Variants in ZNF112 observed in about 807,000 individuals in gnomAD.
ZNF112 encodes zinc finger protein 112 (Y14).
A neutral mutation model predicts 77.7 loss-of-function variants in ZNF112; 37 were observed. The ratio of observed to expected loss-of-function variants is 0.48; its 90% CI spans 0.37 to 0.63. The LOEUF (loss-of-function observed/expected upper bound fraction) is 0.63, where lower values mean the gene tolerates loss of function less well. Among genes scored for constraint, ZNF112 ranks in the 20% least tolerant of loss-of-function variants. ZNF112 has a pLI of 0.00. For missense variants in ZNF112, 950 were observed against 1,077.4 expected, an observed-to-expected ratio of 0.88 and a Z score of 1.66; for synonymous variants, 333 against 363.6, an observed-to-expected ratio of 0.92 and a Z score of 0.96.
intron 1 of ZNF112, among the ~76,000 whole-genome samples, chr19:44,353,618 T>C (rs1244564858): frequency 6.6e-6 from 1 of 151,934 alleles, no homozygotes; most frequent in Non-Finnish European, 1.5e-5. Context: ...GATATAAGGA[T>C]GGCAAAGAAA....
upstream of ZNF112, among the ~76,000 whole-genome samples, chr19:44,357,670 C>T (rs1292806106): frequency 6.6e-6 from 1 of 152,082 alleles, no homozygotes; most frequent in Non-Finnish European, 1.5e-5. Flanking sequence ...AAATGCAAGT[C>T]ATAAGGCAAA....
chr19:44,363,587 TC>T (rs1272236396), intron 1 of ZNF112, among the ~76,000 whole-genome samples: 4 of 152,226 alleles, frequency 2.6e-5, no homozygotes, highest in Admixed American at 2.0e-4. Flanking sequence ...ATAGTGTTTT[TC>T]AGATCCATCC....
intron 1 of ZNF112, among the ~76,000 whole-genome samples, chr19:44,353,560 C>T (rs1458912278): frequency 6.6e-6 from 1 of 151,598 alleles, no homozygotes; most frequent in Admixed American, 6.6e-5. Context: ...AAAATATAAC[C>T]CAATGTAAAA....
At chr19:44,334,484 G>C (rs370297182) in intron 3 of ZNF112, among the ~76,000 whole-genome samples, 12 of 152,368 alleles carry the variant, frequency 7.9e-5, no homozygotes, top group African/African-American at 2.6e-4. Flanking sequence ...GGAGCTGAAT[G>C]TTAATAGCCA....
At chr19:44,337,832 CA>C (rs2123167068) in intron 2 of ZNF112, among the ~76,000 whole-genome samples, 1 of 29,058 alleles carries the variant, frequency 3.4e-5, no homozygotes, top group East Asian at 1.3e-3. Context: ...TATGTATATA[CA>C]TACACATACA....
intron 2 of ZNF112, among the ~76,000 whole-genome samples, chr19:44,339,185 A>C (rs896567458): frequency 1.3e-5 from 2 of 152,248 alleles, no homozygotes; most frequent in Non-Finnish European, 2.9e-5. Flanking sequence ...TTTATAAAAC[A>C]GACTGTGCAG....
At chr19:44,333,698 A>G (rs1275212120) in intron 3 of ZNF112, among the ~76,000 whole-genome samples, 1 of 152,100 alleles carries the variant, frequency 6.6e-6, no homozygotes, top group African/African-American at 2.4e-5. Flanking sequence ...ACCATCTGCC[A>G]TATTTATAAG....
chr19:44,343,314 G>C, intron 1 of ZNF112: 1 of 1,585,104 alleles, frequency 6.3e-7, no homozygotes, highest in Non-Finnish European at 8.6e-7. Flanking sequence ...TGAGAAGGCA[G>C]AACAGGGTAA....
At position 44,329,855 on chromosome 19, in the gene ZNF112, T is replaced by G; in HGVS notation, c.302A>C (p.Gln101Pro). The G allele has an allele frequency of 6.2e-6, 10 of 1,614,006 alleles. No homozygotes were observed. The highest frequency in any genetic ancestry group is 8.5e-6 in the Non-Finnish European group (10 of 1,179,988). Residue 101 changes from glutamine to proline, a missense_variant, in exon 4 of 4, where the codon CAG becomes CCG. Around this residue, in one of 3 missense-constraint regions of ZNF112, gnomAD observed 560 missense variants for 557.3 expected, o/e 1.00. Coordinates refer to ENST00000354340, the MANE Select transcript of ZNF112 (RefSeq NM_013380.4). ...YFSPKELSSRQTWQQSAGGLI... is the reference protein window; with the variant it reads ...YFSPKELSSRPTWQQSAGGLI... Reference sequence around the variant, plus strand: ...CCCACCTGCACTTTGTTGCCAGGTCTGACGGGAGGAAAGCTCTTTGGGGGA... The same window carrying G: ...CCCACCTGCACTTTGTTGCCAGGTCGGACGGGAGGAAAGCTCTTTGGGGGA...
chr19:44,359,315 CTTTTTTTTTTTTTTT>C (rs767955186), upstream of ZNF112, among the ~76,000 whole-genome samples: 6 of 54,834 alleles, frequency 1.1e-4, no homozygotes, highest in South Asian at 8.3e-4. Flanking sequence ...TATTAGAGTT[CTTTTTTTTTTTTTTT>C]TTTTTTTTTT....
Position 44,328,488 on chromosome 19 carries a change from T to C in ZNF112, c.1669A>G (p.Ser557Gly). Residue 557 changes from serine to glycine, a missense_variant, in exon 4 of 4, where the codon AGT (serine) becomes GGT (glycine). This residue lies in a region of ZNF112 where 373 missense variants were observed against 482.8 expected (regional missense o/e 0.77). Coordinates refer to ENST00000354340, the MANE Select transcript of ZNF112 (RefSeq NM_013380.4). The stretch of plus-strand genomic sequence containing the variant: ...TGGGCTTGAAGATATGAACTCCGAC[T>C]GAATCCCTTATCACATTCCTCGCAT... ...YKCEECDKGF[S>G]RSSYLQAHQR... 2 of 1,613,376 alleles carry C rather than the reference T, an allele frequency of 1.2e-6. No individual in the cohort carries two copies. Among genetic ancestry groups the C allele is most frequent in the East Asian group, 2.2e-5 (1 of 44,780 alleles).
chr19:44,362,800 CA>C (rs1416387303), intron 1 of ZNF112, among the ~76,000 whole-genome samples: 1 of 152,112 alleles, frequency 6.6e-6, no homozygotes, highest in East Asian at 1.9e-4. Context: ...TACCCACTCT[CA>C]TTTTCTCCCC....
intron 1 of ZNF112, among the ~76,000 whole-genome samples, chr19:44,365,586 G>C (rs1970896793): frequency 6.6e-6 from 1 of 152,042 alleles, no homozygotes; most frequent in Non-Finnish European, 1.5e-5. Flanking sequence ...TTGGTAGTTT[G>C]TGCCTTTCAA....
At chr19:44,355,610 G>A (rs1004867522) in intron 1 of ZNF112, among the ~76,000 whole-genome samples, 3 of 152,138 alleles carry the variant, frequency 2.0e-5, no homozygotes, top group African/African-American at 7.2e-5. Context: ...GTGACCTAAA[G>A]ATAAACCACC....
chr19:44,329,845 T>C lies in ZNF112; in HGVS notation c.312A>G (p.Gln104=). 1.2e-6 allele frequency: 2 copies of C among 1,613,996 alleles called. No homozygotes were observed. Among genetic ancestry groups the C allele is most frequent in the Non-Finnish European group, 8.5e-7 (1 of 1,179,974 alleles). ...ACCTGATTAACCCACCTGCACTTTG[T>C]TGCCAGGTCTGACGGGAGGAAAGCT... The part of the protein sequence containing the change: ...PKELSSRQTW[Q]QSAGGLIRCQ... Residue 104 remains glutamine, a synonymous_variant, in exon 4 of 4, where the codon CAA becomes CAG. Coordinates refer to ENST00000354340, the MANE Select transcript of ZNF112 (RefSeq NM_013380.4).
At chr19:44,344,445 GA>G (rs1407211501) in intron 1 of ZNF112, among the ~76,000 whole-genome samples, 3 of 152,192 alleles carry the variant, frequency 2.0e-5, no homozygotes, top group Non-Finnish European at 4.4e-5. Flanking sequence ...CCACCTCAAA[GA>G]GAGGTGCACT....
chr19:44,350,207 G>A (rs1414277982), intron 1 of ZNF112, among the ~76,000 whole-genome samples: 2 of 152,014 alleles, frequency 1.3e-5, no homozygotes, highest in Non-Finnish European at 2.9e-5. Context: ...TCATCAGCAG[G>A]TACTTTGCAG....
At chr19:44,363,097 G>A (rs1173345662) in intron 1 of ZNF112, among the ~76,000 whole-genome samples, 1 of 152,056 alleles carries the variant, frequency 6.6e-6, no homozygotes, top group Non-Finnish European at 1.5e-5. Context: ...AGCCTCCAAA[G>A]TAGCTGGGAC....
intron 1 of ZNF112, among the ~76,000 whole-genome samples, chr19:44,356,040 G>A (rs751905244): frequency 2.0e-5 from 3 of 152,170 alleles, no homozygotes; most frequent in Non-Finnish European, 4.4e-5. Context: ...TACCCAGACA[G>A]CCAGGAGTGA....
Sources: gnomAD v4.1 joint callset for allele counts (sites outside exome capture counted in the v4.1 genomes callset) on GRCh38, gnomAD v4.1.1 for gene constraint, gnomAD v4.1.1 regional missense constraint, MANE v1.5 for transcripts, NCBI Gene and HGNC (gene_info 2026-07-23, HGNC 2026-07-21) for gene names.